UNC5D: variants seen among roughly 807,000 people sequenced by gnomAD.
UNC5D encodes the protein unc-5 netrin receptor D, also known as netrin receptor UNC5D.
In UNC5D, 39 loss-of-function variants were observed where a neutral mutation model predicts 105.4. The observed-to-expected ratio is 0.37, with a 90% CI of 0.29 to 0.48. The LOEUF is 0.48. UNC5D is among the 20% of genes least tolerant of loss of function. The pLI is 0.98. For synonymous variants in UNC5D, 452 were observed against 450.4 expected (o/e 1.00, Z -0.04); for missense variants, 991 against 1,202.4 (o/e 0.82, Z 2.60).
chr8:35,705,100 G>A (rs551092219), intron 7 of UNC5D, among the ~76,000 whole-genome samples: 11 of 152,064 alleles, frequency 7.2e-5, no homozygotes, highest in African/African-American at 2.4e-4. Context: ...GCGTAGCTGG[G>A]ACTACAGGCG....
In UNC5D at chr8:35,757,604, C is replaced by T. The variant is rs927738917; in HGVS notation, c.2164-1716C>T. On this transcript the variant is annotated intron_variant, in intron 13 of 16. Transcript: ENST00000404895. ...TAATAGATACTATATTAGAACAATG[C>T]CTAGTGTCCAGACCCTTTCACAACA... 2.6e-5 allele frequency among the ~76,000 whole-genome samples: 4 copies of T among 152,136 alleles called. No individual in the cohort carries two copies. In the South Asian group the frequency reaches 8.3e-4, roughly 32 times the overall value.
intron 4 of UNC5D, among the ~76,000 whole-genome samples, chr8:35,666,334 G>T (rs1468906765): frequency 6.6e-6 from 1 of 151,932 alleles, no homozygotes; most frequent in Non-Finnish European, 1.5e-5. Context: ...GCATTGGAAA[G>T]AAGTGTCTTC....
chr8:35,755,534 T>C (rs772012271), intron 13 of UNC5D, among the ~76,000 whole-genome samples: 4 of 152,096 alleles, frequency 2.6e-5, no homozygotes, highest in Admixed American at 2.6e-4. Context: ...TATGTAAATT[T>C]AGCCTGCTTG....
intron 1 of UNC5D, among the ~76,000 whole-genome samples, chr8:35,331,768 C>T (rs565711658): frequency 6.6e-6 from 1 of 152,162 alleles, no homozygotes; most frequent in East Asian, 1.9e-4. Flanking sequence ...CGGAGTCAGC[C>T]TTGCATCCTG....
Position 35,461,426 on chromosome 8 carries a change from G to A in UNC5D, c.104-87866G>A, listed in dbSNP as rs988038965. 7.9e-5 allele frequency among the ~76,000 whole-genome samples: 12 copies of A among 152,246 alleles called. 1 individual carries two copies. The highest frequency in any genetic ancestry group is 5.2e-4 in the Admixed American group (8 of 15,284). On this transcript the variant is annotated intron_variant, in intron 1 of 16. Transcript: ENST00000404895. ...TGCACTTGGAAAGGGTCCATGATCA[G>A]AAGTAAAGTGGAGCTGTGTTTGGTG...
At chr8:35,509,638 T>C (rs1281702902) in intron 1 of UNC5D, among the ~76,000 whole-genome samples, 1 of 150,518 alleles carries the variant, frequency 6.6e-6, no homozygotes, top group Non-Finnish European at 1.5e-5. Context: ...ACAGAAACAG[T>C]GGGGTCTTCT....
chr8:35,608,311 G>A (rs1266568979), intron 4 of UNC5D, among the ~76,000 whole-genome samples: 3 of 152,174 alleles, frequency 2.0e-5, no homozygotes, highest in Non-Finnish European at 2.9e-5. Flanking sequence ...CGGCTGAGAA[G>A]GGGCAAAAGC....
intron 1 of UNC5D, among the ~76,000 whole-genome samples, chr8:35,352,477 A>G (rs1812304352): frequency 1.3e-5 from 2 of 151,948 alleles, no homozygotes; most frequent in African/African-American, 4.8e-5. Flanking sequence ...TTTAGAGAAA[A>G]GAAGTTATTT....
intron 1 of UNC5D, among the ~76,000 whole-genome samples, chr8:35,391,285 C>A (rs1291705866): frequency 6.6e-6 from 1 of 152,180 alleles, no homozygotes; most frequent in African/African-American, 2.4e-5. Context: ...TCTCCATCAT[C>A]ATTTCTCAGC....
intron 8 of UNC5D, among the ~76,000 whole-genome samples, chr8:35,714,093 G>T (rs1049846785): frequency 3.3e-5 from 5 of 152,164 alleles, no homozygotes; most frequent in African/African-American, 1.2e-4. Flanking sequence ...GGTCCATGTG[G>T]ATATCCACTG....
At chr8:35,574,326 G>A (rs1213951949) in intron 3 of UNC5D, among the ~76,000 whole-genome samples, 1 of 152,146 alleles carries the variant, frequency 6.6e-6, no homozygotes, top group Non-Finnish European at 1.5e-5. Context: ...GTTATAGCAA[G>A]TTAGCCACTT....
At chr8:35,327,900 T>A (rs999338602) in intron 1 of UNC5D, among the ~76,000 whole-genome samples, 22 of 152,130 alleles carry the variant, frequency 1.4e-4, no homozygotes, top group Admixed American at 3.3e-4. Flanking sequence ...CTCAGAGAAA[T>A]AAGTCACAGA....
chr8:35,331,220 A>AT (rs1810604897), intron 1 of UNC5D, among the ~76,000 whole-genome samples: 1 of 152,160 alleles, frequency 6.6e-6, no homozygotes, highest in South Asian at 2.1e-4. Flanking sequence ...GGAGAGTTAT[A>AT]TTGGGGGGCC....
chr8:35,695,486 G>A (rs890335532), intron 7 of UNC5D, among the ~76,000 whole-genome samples: 3 of 152,014 alleles, frequency 2.0e-5, no homozygotes, highest in Non-Finnish European at 2.9e-5. Context: ...GACTGTGCTT[G>A]TAAATAGCCA....
At chr8:35,558,965 G>A (rs999545655) in intron 2 of UNC5D, among the ~76,000 whole-genome samples, 2 of 151,794 alleles carry the variant, frequency 1.3e-5, no homozygotes, top group Non-Finnish European at 2.9e-5. Flanking sequence ...TTGGGCAACA[G>A]AACAAGACTC....
At chr8:35,260,661 AC>A (rs1436734416) in intron 1 of UNC5D, among the ~76,000 whole-genome samples, 1 of 152,102 alleles carries the variant, frequency 6.6e-6, no homozygotes, top group Non-Finnish European at 1.5e-5. Flanking sequence ...ATGGGGTTTC[AC>A]CGTGTTGCCC....
intron 2 of UNC5D, among the ~76,000 whole-genome samples, chr8:35,560,431 T>G (rs998770998): frequency 1.1e-4 from 16 of 152,250 alleles, no homozygotes; most frequent in African/African-American, 3.6e-4. Context: ...GTGTATACAC[T>G]CATGTACTAT....
At chr8:35,646,540 A>G (rs564658127) in intron 4 of UNC5D, among the ~76,000 whole-genome samples, 2 of 152,244 alleles carry the variant, frequency 1.3e-5, no homozygotes, top group Non-Finnish European at 2.9e-5. Flanking sequence ...CATGTTTGAT[A>G]TTTGTCTGTA....
chr8:35,564,059 G>C (rs563355392), intron 2 of UNC5D, among the ~76,000 whole-genome samples: 1 of 152,170 alleles, frequency 6.6e-6, no homozygotes, highest in South Asian at 2.1e-4. Context: ...TTGACATGTA[G>C]TTTTGTTGTT....
Sources: allele counts gnomAD v4.1 joint callset (sites outside exome capture counted in the v4.1 genomes callset), GRCh38; gene constraint gnomAD v4.1.1; transcripts MANE v1.5; gene names NCBI Gene and HGNC (gene_info 2026-07-23, HGNC 2026-07-21).